Variants in SCHIP1 observed in about 807,000 individuals in gnomAD.
SCHIP1 encodes schwannomin-interacting protein 1.
Under a neutral mutation model 29.7 loss-of-function variants are expected in SCHIP1, and 8 were observed. That is an observed-to-expected ratio of 0.27 (90% CI 0.16 to 0.49). The LOEUF (loss-of-function observed/expected upper bound fraction) is 0.49, where lower values mean the gene tolerates loss of function less well. SCHIP1 is among the 20% of genes least tolerant of loss of function. The probability of loss-of-function intolerance (pLI) is 0.99; values close to 1 mark genes in which losing one functional copy is unlikely to be tolerated. For synonymous variants in SCHIP1, 76 were observed against 94.9 expected (o/e 0.80, Z 1.16); for missense variants, 193 against 294.6 (o/e 0.66, Z 2.52).
the SCHIP1 span, among the ~76,000 whole-genome samples, chr3:159,386,506 A>G: frequency 2.6e-5 from 4 of 152,178 alleles, no homozygotes; most frequent in African/African-American, 9.7e-5. Flanking sequence ...TCCCAATCAA[A>G]CTACCATTGA....
chr3:159,857,245 C>A (rs185033844), intron 1 of SCHIP1, among the ~76,000 whole-genome samples: 103 of 152,272 alleles, frequency 6.8e-4, no homozygotes, highest in Middle Eastern at 3.4e-3. Flanking sequence ...CTAGAATTTC[C>A]GGTGAAATGC....
At chr3:159,740,702 A>G in the SCHIP1 span, among the ~76,000 whole-genome samples, 1 of 150,136 alleles carries the variant, frequency 6.7e-6, no homozygotes, top group Non-Finnish European at 1.5e-5. Flanking sequence ...TATGCCCCTA[A>G]GAGAGACAGG....
the SCHIP1 span, chr3:159,764,659 C>A: frequency 6.3e-7 from 1 of 1,598,502 alleles, no homozygotes. The surrounding 1 kb of genome is among the most constrained non-coding windows in gnomAD (Gnocchi z 6.1). Flanking sequence ...TGAGTGGGCG[C>A]CGGAGGAGGA....
chr3:159,818,217 C>T, the SCHIP1 span, among the ~76,000 whole-genome samples: 7 of 152,168 alleles, frequency 4.6e-5, no homozygotes, highest in African/African-American at 1.7e-4. Context: ...GTAGCACCTT[C>T]TATGCTCTTA....
the SCHIP1 span, among the ~76,000 whole-genome samples, chr3:159,434,097 A>G: frequency 1.3e-5 from 2 of 152,206 alleles, no homozygotes; most frequent in African/African-American, 2.4e-5. Context: ...AGTGAACTCT[A>G]TAAAAGTTCA....
chr3:159,478,000 G>A, the SCHIP1 span, among the ~76,000 whole-genome samples: 2 of 136,272 alleles, frequency 1.5e-5, no homozygotes, highest in Admixed American at 1.7e-4. Flanking sequence ...TTGGCTCACT[G>A]CAACCTCCAT....
chr3:159,506,087 C>G, the SCHIP1 span, among the ~76,000 whole-genome samples: 1 of 152,338 alleles, frequency 6.6e-6, no homozygotes, highest in East Asian at 1.9e-4. Context: ...ATCCCACCAA[C>G]AGTGTAAAAG....
the SCHIP1 span, among the ~76,000 whole-genome samples, chr3:159,294,947 C>T: frequency 1.1e-4 from 17 of 152,098 alleles, no homozygotes; most frequent in East Asian, 1.9e-4. Flanking sequence ...GATCATTACC[C>T]GAAAGGGAAA....
the SCHIP1 span, among the ~76,000 whole-genome samples, chr3:159,834,712 A>G: frequency 6.6e-6 from 1 of 152,170 alleles, no homozygotes; most frequent in Non-Finnish European, 1.5e-5. Context: ...AAAATTCCAC[A>G]CCTGACCTCA....
At chr3:159,602,959 C>T in the SCHIP1 span, among the ~76,000 whole-genome samples, 12 of 152,144 alleles carry the variant, frequency 7.9e-5, no homozygotes, top group Non-Finnish European at 1.8e-4. Context: ...TGATATCTCA[C>T]AGAATGAGGG....
chr3:159,432,821 C>T, the SCHIP1 span, among the ~76,000 whole-genome samples: 1 of 152,124 alleles, frequency 6.6e-6, no homozygotes, highest in Non-Finnish European at 1.5e-5. Flanking sequence ...AGGGAGGGAG[C>T]GGATGCATCA....
At chr3:159,430,391 G>C in the SCHIP1 span, among the ~76,000 whole-genome samples, 2 of 152,000 alleles carry the variant, frequency 1.3e-5, no homozygotes, top group Non-Finnish European at 2.9e-5. Flanking sequence ...TTAAAATCAG[G>C]AACCAGAAAA....
At chr3:159,707,799 G>A in the SCHIP1 span, among the ~76,000 whole-genome samples, 1 of 151,962 alleles carries the variant, frequency 6.6e-6, no homozygotes, top group Non-Finnish European at 1.5e-5. Flanking sequence ...GGATTCCTTT[G>A]TCCCCCCTAA....
chr3:159,650,895 G>C, the SCHIP1 span, among the ~76,000 whole-genome samples: 1 of 152,146 alleles, frequency 6.6e-6, no homozygotes, highest in Non-Finnish European at 1.5e-5. Context: ...GAAAAGCTGA[G>C]TGTGAGTGAC....
chr3:159,514,006 T>C, the SCHIP1 span, among the ~76,000 whole-genome samples: 2 of 152,332 alleles, frequency 1.3e-5, no homozygotes, highest in South Asian at 4.1e-4. Context: ...TGATAGTAAT[T>C]CAGGTGCAAG....
the SCHIP1 span, among the ~76,000 whole-genome samples, chr3:159,324,759 T>A: frequency 7.9e-5 from 12 of 152,236 alleles, no homozygotes; most frequent in South Asian, 2.3e-3. Flanking sequence ...GGACTAAAGG[T>A]ATTGATGATA....
the SCHIP1 span, chr3:159,768,333 T>C: frequency 1.3e-5 from 2 of 152,184 alleles, no homozygotes; most frequent in Non-Finnish European, 2.9e-5. Context: ...GACAGGGTTT[T>C]GTATTGTTTT....
chr3:159,357,077 A>T, the SCHIP1 span, among the ~76,000 whole-genome samples: 1 of 152,386 alleles, frequency 6.6e-6, no homozygotes, highest in East Asian at 1.9e-4. Context: ...AATTTAAGAT[A>T]AAACACCTTA....
the SCHIP1 span, among the ~76,000 whole-genome samples, chr3:159,672,293 A>T: frequency 1.3e-5 from 2 of 152,202 alleles, no homozygotes; most frequent in Non-Finnish European, 2.9e-5. Flanking sequence ...GCACTCAATA[A>T]ATGTTAGCTC....
Sources: gnomAD v4.1 joint callset for allele counts (sites outside exome capture counted in the v4.1 genomes callset) on GRCh38, gnomAD v4.1.1 for gene constraint, Gnocchi (gnomAD v3.1) non-coding constraint, MANE v1.5 for transcripts, NCBI Gene and HGNC (gene_info 2026-07-23, HGNC 2026-07-21) for gene names.